The following LRP6 variants were observed in gnomAD, a reference collection of about 807,000 sequenced individuals.
LRP6 encodes the protein low-density lipoprotein receptor-related protein 6.
In LRP6, 43 loss-of-function variants were observed where a neutral mutation model predicts 184.1. The ratio of observed to expected loss-of-function variants is 0.23; its 90% CI spans 0.18 to 0.30. The LOEUF (loss-of-function observed/expected upper bound fraction) is 0.30. Among genes scored for constraint, LRP6 ranks in the 10% least tolerant of loss-of-function variants. LRP6 has a pLI of 1.00. For missense variants in LRP6, 1,571 were observed against 2,005.3 expected (o/e 0.78, Z 4.14); for synonymous variants, 719 against 684.9 (o/e 1.05, Z -0.78).
At chr12:12,254,567 AT>A (rs1432106652) in intron 1 of LRP6, among the ~76,000 whole-genome samples, 13 of 152,112 alleles carry the variant, frequency 8.5e-5, no homozygotes, top group African/African-American at 3.1e-4. Flanking sequence ...AACTCTTATT[AT>A]TTTTATTTTC....
At chr12:12,185,023 G>A (rs1172541361) in intron 4 of LRP6, among the ~76,000 whole-genome samples, 1 of 152,142 alleles carries the variant, frequency 6.6e-6, no homozygotes, top group Non-Finnish European at 1.5e-5. Flanking sequence ...GGCCAGGCAC[G>A]GTGGCTCGTG....
intron 10 of LRP6, among the ~76,000 whole-genome samples, chr12:12,161,925 AAC>A (rs1862750988): frequency 7.1e-6 from 1 of 141,126 alleles, no homozygotes. Flanking sequence ...ATATATACTT[AAC>A]ATATCAGTAT....
chr12:12,154,690 C>G (rs1950127138), intron 12 of LRP6, among the ~76,000 whole-genome samples: 1 of 151,928 alleles, frequency 6.6e-6, no homozygotes, highest in Admixed American at 6.6e-5. Context: ...CACAGTAAGA[C>G]CTGATCTCTT....
intron 2 of LRP6, among the ~76,000 whole-genome samples, chr12:12,229,752 T>C (rs1864733241): frequency 6.6e-6 from 1 of 152,226 alleles, no homozygotes; most frequent in African/African-American, 2.4e-5. Context: ...CTCCCTTGGC[T>C]TCTCAAAAGC....
chr12:12,175,816 T>G (rs1346871455), intron 7 of LRP6, among the ~76,000 whole-genome samples: 2 of 151,460 alleles, frequency 1.3e-5, no homozygotes, highest in Non-Finnish European at 2.9e-5. Context: ...AACCAACTAT[T>G]AGAAACACAC....
intron 12 of LRP6, among the ~76,000 whole-genome samples, chr12:12,152,991 C>A (rs1021615675): frequency 1.3e-5 from 2 of 152,202 alleles, no homozygotes; most frequent in African/African-American, 4.8e-5. Context: ...TCCCAATGAT[C>A]CTACTACAAA....
intron 6 of LRP6, among the ~76,000 whole-genome samples, chr12:12,180,371 GA>G (rs1486325069): frequency 6.6e-6 from 1 of 150,924 alleles, no homozygotes; most frequent in Non-Finnish European, 1.5e-5. Flanking sequence ...ATGGCAAACT[GA>G]ATTCTCAAAA....
At chr12:12,188,094 C>T (rs773020643) in intron 3 of LRP6, among the ~76,000 whole-genome samples, 11 of 151,682 alleles carry the variant, frequency 7.3e-5, no homozygotes, top group Admixed American at 2.0e-4. Context: ...CGCCTGTAAT[C>T]CCAGACACTC....
intron 2 of LRP6, among the ~76,000 whole-genome samples, chr12:12,210,283 T>C (rs150892120): frequency 3.3e-5 from 5 of 152,226 alleles, no homozygotes; most frequent in Non-Finnish European, 7.4e-5. Flanking sequence ...TGAGAAAGGA[T>C]AGACTAGGAT....
chr12:12,122,293 T>C (rs1949616430), intron 22 of LRP6, among the ~76,000 whole-genome samples: 1 of 152,356 alleles, frequency 6.6e-6, no homozygotes, highest in Non-Finnish European at 1.5e-5. Context: ...CTTCTATTTT[T>C]AACTTCTTAT....
chr12:12,247,614 A>T (rs992099933), intron 1 of LRP6, among the ~76,000 whole-genome samples: 2 of 152,220 alleles, frequency 1.3e-5, no homozygotes, highest in Non-Finnish European at 2.9e-5. Context: ...CCCAGGGTTC[A>T]TCCTGTCCAA....
chr12:12,149,802 A>G (rs1415943090), intron 13 of LRP6, among the ~76,000 whole-genome samples: 1 of 152,194 alleles, frequency 6.6e-6, no homozygotes, highest in Non-Finnish European at 1.5e-5. Context: ...ATTTTTTTAC[A>G]ATAAAGTCAA....
chr12:12,117,241 T>G lies in LRP6; in HGVS notation c.*3885A>C, dbSNP rs1163021403. 6.6e-6 allele frequency: 1 copy of G among 152,232 alleles called. No individual in the cohort carries two copies. Among genetic ancestry groups the G allele is most frequent in the Non-Finnish European group, 1.5e-5 (1 of 68,028 alleles). The allele number at this position is 152,232 out of a possible 1,614,324, so 9.4% of individuals were successfully genotyped here. On this transcript the variant is annotated 3_prime_UTR_variant, in exon 23 of 23. Coordinates refer to ENST00000261349, the MANE Select transcript of LRP6 (RefSeq NM_002336.3). ...TTCTGATAATGTTTTAAACAACACC[T>G]GACTATAAGCTTCTTTAGGACTCAG... is the stretch of plus-strand genomic sequence containing the variant.
rs1398273061 is a variant in LRP6 at position 12,124,567 on chromosome 12, G to A, written c.4545C>T (p.Tyr1515=). ...TTTTAGAGAAGGATGTGTATTACCT[G>A]TATGACCTATGAGTGGAAGGACTGT... The part of the protein sequence containing the change: ...SSNSPSTHRS[Y]SYRPYSYRHF... Residue 1515 remains tyrosine (Y), a splice_region_variant and synonymous_variant, in exon 22 of 23, where the codon TAC becomes TAT. Transcript: ENST00000261349. 1.3e-6 allele frequency: 2 copies of A among 1,598,430 alleles called. No individual in the cohort carries two copies. The highest frequency in any genetic ancestry group is 1.3e-5 in the African/African-American group (1 of 74,540).
At chr12:12,198,481 T>C (rs941242384) in intron 3 of LRP6, among the ~76,000 whole-genome samples, 7 of 151,774 alleles carry the variant, frequency 4.6e-5, no homozygotes, top group African/African-American at 1.7e-4. Context: ...TCTGAAGTGA[T>C]TTTTTAAATT....
chr12:12,131,918 G>A lies in LRP6; in HGVS notation c.3873C>T (p.Ser1291=). 4 of 1,614,124 alleles carry A rather than the reference G, an allele frequency of 2.5e-6. No individual in the cohort carries two copies. Among genetic ancestry groups the A allele is most frequent in the Non-Finnish European group, 3.4e-6 (4 of 1,180,014 alleles). ...ACTGCCCACTGGCACACTGGAACTG[G>A]GACTCTGAGCATACAGGACAATTGA... ...DELNCPVCSE[S]QFQCASGQCI... Residue 1291 remains serine, a synonymous_variant, in exon 18 of 23, where the codon TCC becomes TCT. Coordinates refer to ENST00000261349, the MANE Select transcript of LRP6 (RefSeq NM_002336.3).
At chr12:12,126,364 G>A (rs1949671134) in intron 20 of LRP6, among the ~76,000 whole-genome samples, 1 of 152,178 alleles carries the variant, frequency 6.6e-6, no homozygotes, top group African/African-American at 2.4e-5. Flanking sequence ...CCCTGGTGGT[G>A]AACTTAACCT....
At chr12:12,212,146 C>G (rs527855608) in intron 2 of LRP6, among the ~76,000 whole-genome samples, 1 of 152,094 alleles carries the variant, frequency 6.6e-6, no homozygotes, top group South Asian at 2.1e-4. Flanking sequence ...ATTCCAGGTC[C>G]TTGAAAACAA....
Position 12,162,096 on chromosome 12 carries a change from G to A in LRP6, c.2279+97C>T, listed in dbSNP as rs929390708. The A allele has an allele frequency of 2.1e-5, 20 of 936,222 alleles. No homozygotes were observed. The African/African-American group carries it at 2.4e-4, about 11-fold the overall frequency. 58.0% of individuals were successfully genotyped at this position (936,222 alleles called of 1,614,324 possible). On this transcript the variant is annotated intron_variant, in intron 10 of 22. Coordinates refer to ENST00000261349, the MANE Select transcript of LRP6 (RefSeq NM_002336.3). The stretch of plus-strand genomic sequence containing the variant: ...CATTTAGTTCTCAGATTCCTAATAC[G>A]TATTATTTAAAACATTAAGAATATC...
Sources: allele counts gnomAD v4.1 joint callset (sites outside exome capture counted in the v4.1 genomes callset), GRCh38; gene constraint gnomAD v4.1.1; transcripts MANE v1.5; gene names NCBI Gene and HGNC (gene_info 2026-07-23, HGNC 2026-07-21).